Variants in CCR2 observed in about 807,000 individuals in gnomAD.
CCR2 encodes the protein C-C chemokine receptor type 2.
For missense variants in CCR2, 408 were observed against 440.0 expected (o/e 0.93, Z 0.65); for synonymous variants, 183 against 177.1 (o/e 1.03, Z -0.27).
At position 46,360,578 on chromosome 3, in the gene CCR2, G is replaced by A. The variant is rs1204380815; in HGVS notation, c.*1968G>A. ...CCCTATTGGTAAAGAATGGAAGGTG[G>A]AGAAGCTCCCTGAAGTAAGCAAAGA... On this transcript the variant is annotated 3_prime_UTR_variant, in exon 2 of 2. Coordinates refer to ENST00000445132, the MANE Select transcript of CCR2 (RefSeq NM_001123396.4). 2 of 152,226 alleles carry A rather than the reference G, an allele frequency of 1.3e-5. No individual in the cohort carries two copies. Among genetic ancestry groups the A allele is most frequent in the African/African-American group, 4.8e-5 (2 of 41,446 alleles). 9.4% of individuals were successfully genotyped at this position (152,226 alleles called of 1,614,324 possible).
In CCR2 at chr3:46,359,733, G is replaced by A; in HGVS notation, c.*1123G>A. 1 of 1,614,116 alleles carries A rather than the reference G, an allele frequency of 6.2e-7. No individual in the cohort carries two copies. Among genetic ancestry groups the A allele is most frequent in the Non-Finnish European group, 8.5e-7 (1 of 1,179,986 alleles). Reference sequence around the variant, plus strand: ...GCCCCACTCCAAAAACCAGTGTGTGGAGGTCCAGGAGTGAGACCAGGAAAG... The same window carrying A: ...GCCCCACTCCAAAAACCAGTGTGTGAAGGTCCAGGAGTGAGACCAGGAAAG... On this transcript the variant is annotated 3_prime_UTR_variant, in exon 2 of 2. Transcript: ENST00000445132.
At chr3:46,355,441 G>A (rs1701434572) in intron 1 of CCR2, among the ~76,000 whole-genome samples, 1 of 152,280 alleles carries the variant, frequency 6.6e-6, no homozygotes, top group African/African-American at 2.4e-5. Flanking sequence ...CTGGAGGTGA[G>A]GCTGAAAAGA....
chr3:46,359,437 C>A lies in CCR2; in HGVS notation c.*827C>A. ...CAATATATATAGGCTCTTGCTTGAT[C>A]TCTCCAGGAGGTAGTGATTATGAGA... On this transcript the variant is annotated 3_prime_UTR_variant, in exon 2 of 2. Coordinates refer to ENST00000445132, the MANE Select transcript of CCR2 (RefSeq NM_001123396.4). 3.6e-6 allele frequency: 4 copies of A among 1,104,076 alleles called. No individual in the cohort carries two copies. Among genetic ancestry groups the A allele is most frequent in the Non-Finnish European group, 3.5e-6 (3 of 851,378 alleles). The allele number at this position is 1,104,076 out of a possible 1,614,324, so 68.4% of individuals were successfully genotyped here.
In CCR2 at chr3:46,358,447, T is replaced by C; in HGVS notation, c.920T>C (p.Phe307Ser). 6.2e-7 allele frequency: 1 copy of C among 1,613,672 alleles called. No homozygotes were observed. The highest frequency in any genetic ancestry group is 8.5e-7 in the Non-Finnish European group (1 of 1,179,934). Residue 307 changes from phenylalanine (F) to serine (S), a missense_variant, in exon 2 of 2, where the codon TTC becomes TCC. By Grantham distance (155) the Phe-to-Ser change is radical. Coordinates refer to ENST00000445132, the MANE Select transcript of CCR2 (RefSeq NM_001123396.4). ...HCCINPIIYA[F>S]VGEKFRRYLS... is the part of the protein sequence containing the mutation. The stretch of plus-strand genomic sequence containing the variant: ...TGCATCAATCCCATCATCTATGCCT[T>C]CGTTGGGGAGAAGTTCAGAAGGTAT...
In CCR2 at chr3:46,358,775, T is replaced by G. The variant is rs754321247; in HGVS notation, c.*165T>G. ...TATGTCACCCAATGCATATCCAACA[T>G]GTGCTCAGGGAATAATCCAGAAAAA... On this transcript the variant is annotated 3_prime_UTR_variant, in exon 2 of 2. Transcript: ENST00000445132. 37 of 1,423,098 alleles carry G rather than the reference T, an allele frequency of 2.6e-5. No individual in the cohort carries two copies. The highest frequency in any genetic ancestry group is 5.2e-4 in the Middle Eastern group (2 of 3,830). 88.2% of individuals were successfully genotyped at this position (1,423,098 alleles called of 1,614,324 possible). A position where few individuals can be genotyped will look rare whatever the true frequency, so the allele number is the denominator to read the frequency against.
Position 46,358,128 on chromosome 3 carries a change from T to A in CCR2, c.601T>A (p.Phe201Ile). 1 of 1,614,156 alleles carries A rather than the reference T, an allele frequency of 6.2e-7. No individual in the cohort carries two copies. The highest frequency in any genetic ancestry group is 8.5e-7 in the Non-Finnish European group (1 of 1,180,006). ...TTATTTTCCACGAGGATGGAATAAT[T>A]TCCACACAATAATGAGGAACATTTT... ...GPYFPRGWNN[F>I]HTIMRNILGL... The change falls in exon 2 of 2, where the codon TTC (phenylalanine) becomes ATC (isoleucine). Residue 201 changes from phenylalanine to isoleucine, a missense_variant. Transcript: ENST00000445132.
chr3:46,359,581 A>C lies in CCR2; in HGVS notation c.*971A>C, dbSNP rs1476271340. On this transcript the variant is annotated 3_prime_UTR_variant, in exon 2 of 2. Transcript: ENST00000445132. ...AGAGAGCCAGGAAGGCTGCATCAGA[A>C]CCCAGTAAAGCTTCTTGTCTGGATC... 7.8e-7 allele frequency: 1 copy of C among 1,275,108 alleles called. No individual in the cohort carries two copies. Among genetic ancestry groups the C allele is most frequent in the Non-Finnish European group, 1.1e-6 (1 of 926,566 alleles). The allele number at this position is 1,275,108 out of a possible 1,614,324, so 79.0% of individuals were successfully genotyped here.
chr3:46,355,844 C>T (rs945205217), intron 1 of CCR2, among the ~76,000 whole-genome samples: 2 of 152,146 alleles, frequency 1.3e-5, no homozygotes, highest in Admixed American at 6.5e-5. Flanking sequence ...ATAAAGAAAT[C>T]GGCACTTGAA....
chr3:46,359,985 T>C lies in CCR2; in HGVS notation c.*1375T>C, dbSNP rs1250682440. 1 of 898,458 alleles carries C rather than the reference T, an allele frequency of 1.1e-6. No homozygotes were observed. The highest frequency in any genetic ancestry group is 1.7e-5 in the African/African-American group (1 of 58,644). The allele number at this position is 898,458 out of a possible 1,614,324, so 55.7% of individuals were successfully genotyped here. ...AGGCTGAGAGGAGAGAGACTCCAGC[T>C]GGGTTGGAAAACAGTATTTTCCAAA... On this transcript the variant is annotated 3_prime_UTR_variant, in exon 2 of 2. Coordinates refer to ENST00000445132, the MANE Select transcript of CCR2 (RefSeq NM_001123396.4).
In CCR2 at chr3:46,360,562, T is replaced by A. The variant is rs34138562; in HGVS notation, c.*1952T>A. 6.6e-6 allele frequency: 1 copy of A among 152,128 alleles called. No homozygotes were observed. The highest frequency in any genetic ancestry group is 1.5e-5 in the Non-Finnish European group (1 of 68,030). 9.4% of individuals were successfully genotyped at this position (152,128 alleles called of 1,614,324 possible). A position where few individuals can be genotyped will look rare whatever the true frequency, so the allele number is the denominator to read the frequency against. On this transcript the variant is annotated 3_prime_UTR_variant, in exon 2 of 2. Coordinates refer to ENST00000445132, the MANE Select transcript of CCR2 (RefSeq NM_001123396.4). ...AATCAAAGCTTTTAAACCCTATTGG[T>A]AAAGAATGGAAGGTGGAGAAGCTCC...
rs899120864 is a variant in CCR2 at position 46,358,563 on chromosome 3, A to G, written c.1036A>G (p.Thr346Ala). 2 of 1,606,810 alleles carry G rather than the reference A, an allele frequency of 1.2e-6. No homozygotes were observed. Among genetic ancestry groups the G allele is most frequent in the East Asian group, 4.5e-5 (2 of 44,740 alleles). ...GGAGACAGTGGATGGAGTGACTTCA[A>G]CAAACACGCCTTCCACTGGGGAGCA... ...YRETVDGVTS[T>A]NTPSTGEQEV... Residue 346 changes from threonine (T) to alanine (A), a missense_variant, in exon 2 of 2, where the codon ACA becomes GCA. Physicochemically the swap from Thr to Ala is moderately conservative, Grantham distance 58. Transcript: ENST00000445132.
chr3:46,359,446 A>C lies in CCR2; in HGVS notation c.*836A>C. The C allele has an allele frequency of 8.7e-7, 1 of 1,147,366 alleles. No homozygotes were observed. The highest frequency in any genetic ancestry group is 3.1e-4 in the Middle Eastern group (1 of 3,246). The allele number at this position is 1,147,366 out of a possible 1,614,324, so 71.1% of individuals were successfully genotyped here. On this transcript the variant is annotated 3_prime_UTR_variant, in exon 2 of 2. Coordinates refer to ENST00000445132, the MANE Select transcript of CCR2 (RefSeq NM_001123396.4). ...TAGGCTCTTGCTTGATCTCTCCAGG[A>C]GGTAGTGATTATGAGAAGGGGGTGG...
rs138798716 is a variant in CCR2 at position 46,360,450 on chromosome 3, C to T, written c.*1840C>T. On this transcript the variant is annotated 3_prime_UTR_variant, in exon 2 of 2. Coordinates refer to ENST00000445132, the MANE Select transcript of CCR2 (RefSeq NM_001123396.4). ...ATGAAGTCATGCGTTTAATCACATT[C>T]GAGTGTTTCAGTGCTTCGCAGATGT... The T allele has an allele frequency of 9.8e-4, 150 of 152,462 alleles. No homozygotes were observed. Among genetic ancestry groups the T allele is most frequent in the Non-Finnish European group, 1.8e-3 (123 of 68,142 alleles). 9.4% of individuals were successfully genotyped at this position (152,462 alleles called of 1,614,324 possible).
At chr3:46,356,921 A>G (rs1701463475) in intron 1 of CCR2, among the ~76,000 whole-genome samples, 1 of 131,584 alleles carries the variant, frequency 7.6e-6, no homozygotes, top group South Asian at 2.1e-4. Flanking sequence ...CCGTCTCCAA[A>G]AAAAAAAAAA....
At chr3:46,356,933 AAG>A (rs1349684063) in intron 1 of CCR2, among the ~76,000 whole-genome samples, 2 of 150,618 alleles carry the variant, frequency 1.3e-5, no homozygotes, top group African/African-American at 2.5e-5. Flanking sequence ...AAAAAAAAAA[AAG>A]AAGGCAGAAG....
chr3:46,359,548 C>T lies in CCR2; in HGVS notation c.*938C>T, dbSNP rs1018554346. The T allele has an allele frequency of 1.0e-4, 107 of 1,070,012 alleles. No homozygotes were observed. The African/African-American group carries it at 1.6e-3, about 16-fold the overall frequency. 66.3% of individuals were successfully genotyped at this position (1,070,012 alleles called of 1,614,324 possible). ...ACTGCAGAACTATTTCCGAAATCAA[C>T]TAAGTGGAGAGAGCCAGGAAGGCTG... On this transcript the variant is annotated 3_prime_UTR_variant, in exon 2 of 2. Transcript: ENST00000445132.
chr3:46,358,405 T>C lies in CCR2; in HGVS notation c.878T>C (p.Leu293Pro), dbSNP rs1243719646. The C allele has an allele frequency of 6.2e-7, 1 of 1,614,088 alleles. No homozygotes were observed. Among genetic ancestry groups the C allele is most frequent in the South Asian group, 1.1e-5 (1 of 91,082 alleles). The change falls in exon 2 of 2, where the codon CTT becomes CCT. Residue 293 changes from leucine (L) to proline (P), a missense_variant. Transcript: ENST00000445132. Reference protein sequence around the residue: ...LDQATQVTETLGMTHCCINPI... With the variant: ...LDQATQVTETPGMTHCCINPI... ...CAAGCCACGCAGGTGACAGAGACTCTTGGGATGACTCACTGCTGCATCAAT... is the reference window on the plus strand; with the variant it reads ...CAAGCCACGCAGGTGACAGAGACTCCTGGGATGACTCACTGCTGCATCAAT...
In CCR2 at chr3:46,358,887, G is replaced by T; in HGVS notation, c.*277G>T. On this transcript the variant is annotated 3_prime_UTR_variant, in exon 2 of 2. Coordinates refer to ENST00000445132, the MANE Select transcript of CCR2 (RefSeq NM_001123396.4). ...ACCTTGTGCTAATCCTCTTTTTCTAGTCTTCATAATTTCTTCACTCAATCT... is the reference window on the plus strand; with the variant it reads ...ACCTTGTGCTAATCCTCTTTTTCTATTCTTCATAATTTCTTCACTCAATCT... The T allele has an allele frequency of 8.7e-7, 1 of 1,145,288 alleles. No homozygotes were observed. Among genetic ancestry groups the T allele is most frequent in the East Asian group, 5.4e-5 (1 of 18,684 alleles). The allele number at this position is 1,145,288 out of a possible 1,614,324, so 70.9% of individuals were successfully genotyped here.
chr3:46,358,376 G>A lies in CCR2; in HGVS notation c.849G>A (p.Leu283=). The A allele has an allele frequency of 1.2e-6, 2 of 1,614,084 alleles. No individual in the cohort carries two copies. Among genetic ancestry groups the A allele is most frequent in the African/African-American group, 1.3e-5 (1 of 75,006 alleles). Reference sequence around the variant, plus strand: ...GTAACTGTGAAAGCACCAGTCAACTGGACCAAGCCACGCAGGTGACAGAGA... The same window carrying A: ...GTAACTGTGAAAGCACCAGTCAACTAGACCAAGCCACGCAGGTGACAGAGA... The part of the protein sequence containing the change: ...GLSNCESTSQ[L]DQATQVTETL... The change falls in exon 2 of 2, where the codon CTG becomes CTA. Residue 283 remains leucine, a synonymous_variant. Coordinates refer to ENST00000445132, the MANE Select transcript of CCR2 (RefSeq NM_001123396.4).
Sources: gnomAD v4.1 joint callset for allele counts (sites outside exome capture counted in the v4.1 genomes callset) on GRCh38, gnomAD v4.1.1 for gene constraint, MANE v1.5 for transcripts, NCBI Gene and HGNC (gene_info 2026-07-23, HGNC 2026-07-21) for gene names.